SPOCK1: variants seen among roughly 807,000 people sequenced by gnomAD.
SPOCK1 encodes the protein testican-1.
SPOCK1 carries 23 observed loss-of-function variants against 55.3 expected under a neutral mutation model. The ratio of observed to expected loss-of-function variants is 0.42; its 90% CI spans 0.30 to 0.59. The LOEUF is 0.59. Among genes scored for constraint, SPOCK1 ranks in the 20% least tolerant of loss-of-function variants. The pLI is 0.22. For missense variants in SPOCK1, 499 were observed against 552.5 expected (o/e 0.90, Z 0.97); for synonymous variants, 226 against 221.0 (o/e 1.02, Z -0.20).
At chr5:137,476,330 G>C (rs1753837453) in intron 2 of SPOCK1, among the ~76,000 whole-genome samples, 1 of 152,278 alleles carries the variant, frequency 6.6e-6, no homozygotes, top group South Asian at 2.1e-4. Flanking sequence ...AAACAGAGCA[G>C]ATAAGAAACA....
At chr5:137,333,622 G>C (rs974799580) in intron 2 of SPOCK1, among the ~76,000 whole-genome samples, 2 of 152,176 alleles carry the variant, frequency 1.3e-5, no homozygotes, top group African/African-American at 4.8e-5. Flanking sequence ...TTATCTGCAG[G>C]CCAAGACAGT....
chr5:137,050,524 G>A (rs1028664835), intron 6 of SPOCK1, among the ~76,000 whole-genome samples: 6 of 150,952 alleles, frequency 4.0e-5, no homozygotes, highest in African/African-American at 1.5e-4. Context: ...GCACCCACTG[G>A]CCTGCGCCCA....
intron 3 of SPOCK1, among the ~76,000 whole-genome samples, chr5:137,168,328 A>C (rs1754688800): frequency 6.6e-6 from 1 of 152,160 alleles, no homozygotes; most frequent in Non-Finnish European, 1.5e-5. Context: ...AAGCACAGGC[A>C]ACCAAAGCAA....
At chr5:137,354,700 T>C (rs1315252059) in intron 2 of SPOCK1, among the ~76,000 whole-genome samples, 13 of 152,176 alleles carry the variant, frequency 8.5e-5, no homozygotes, top group Admixed American at 7.9e-4. Flanking sequence ...ACTTTGTTTG[T>C]TGACTGTTTT....
chr5:137,293,298 G>T (rs908680799), intron 2 of SPOCK1, among the ~76,000 whole-genome samples: 1 of 152,106 alleles, frequency 6.6e-6, no homozygotes, highest in Non-Finnish European at 1.5e-5. Flanking sequence ...CAACAAATTA[G>T]TTTAATCTCA....
intron 7 of SPOCK1, among the ~76,000 whole-genome samples, chr5:136,990,790 C>G (rs1009342737): frequency 6.6e-6 from 1 of 152,046 alleles, no homozygotes; most frequent in South Asian, 2.1e-4. Flanking sequence ...GCTGACTGGT[C>G]GGCAAAAAGA....
intron 2 of SPOCK1, among the ~76,000 whole-genome samples, chr5:137,355,972 G>T (rs1302247968): frequency 6.6e-6 from 1 of 152,150 alleles, no homozygotes; most frequent in African/African-American, 2.4e-5. Context: ...CCACAGACTC[G>T]GGGAGAGGCT....
At chr5:137,111,663 A>C (rs1002443830) in intron 5 of SPOCK1, among the ~76,000 whole-genome samples, 2 of 152,142 alleles carry the variant, frequency 1.3e-5, no homozygotes, top group Non-Finnish European at 2.9e-5. Flanking sequence ...GGAGAGTTCC[A>C]AGAACAAATT....
At chr5:137,269,481 A>T (rs1387539201) in intron 2 of SPOCK1, among the ~76,000 whole-genome samples, 2 of 152,106 alleles carry the variant, frequency 1.3e-5, no homozygotes, top group African/African-American at 4.8e-5. Flanking sequence ...ACCAGAGCCC[A>T]CTTGGGGGAT....
At chr5:137,348,622 C>CAA (rs1245329506) in intron 2 of SPOCK1, among the ~76,000 whole-genome samples, 1 of 141,546 alleles carries the variant, frequency 7.1e-6, no homozygotes, top group African/African-American at 2.6e-5. Context: ...AATTTATTTG[C>CAA]AAAAAAAAAA....
intron 5 of SPOCK1, among the ~76,000 whole-genome samples, chr5:137,074,075 G>C (rs916346035): frequency 1.3e-5 from 2 of 152,228 alleles, no homozygotes; most frequent in Admixed American, 6.5e-5. Flanking sequence ...TTAGGAAACA[G>C]ACAAATCCAA....
At chr5:137,308,529 C>T (rs776334269) in intron 2 of SPOCK1, among the ~76,000 whole-genome samples, 2 of 152,164 alleles carry the variant, frequency 1.3e-5, no homozygotes, top group African/African-American at 4.8e-5. Flanking sequence ...TCCAGGGCCC[C>T]GGTTCCAAAG....
At chr5:137,354,748 G>A (rs1165628009) in intron 2 of SPOCK1, among the ~76,000 whole-genome samples, 1 of 152,308 alleles carries the variant, frequency 6.6e-6, no homozygotes. Context: ...CCTGAGGACA[G>A]AGCTGTGTTC....
At chr5:137,361,887 G>T (rs1750954334) in intron 2 of SPOCK1, among the ~76,000 whole-genome samples, 5 of 152,144 alleles carry the variant, frequency 3.3e-5, no homozygotes, top group Non-Finnish European at 7.4e-5. Flanking sequence ...CAGAGTTTAG[G>T]AGCTCCTGCC....
chr5:137,106,534 T>A (rs181069204), intron 5 of SPOCK1, among the ~76,000 whole-genome samples: 32 of 152,250 alleles, frequency 2.1e-4, no homozygotes, highest in Non-Finnish European at 2.9e-5. Context: ...GGAGCTGTAA[T>A]GACTCTATAT....
intron 2 of SPOCK1, among the ~76,000 whole-genome samples, chr5:137,370,055 G>T (rs1012502941): frequency 2.0e-5 from 3 of 152,200 alleles, no homozygotes; most frequent in African/African-American, 7.2e-5. Context: ...TAGCTGGCCC[G>T]CTTATTCTGG....
At chr5:137,130,551 A>C (rs1341218909) in intron 4 of SPOCK1, among the ~76,000 whole-genome samples, 7 of 152,236 alleles carry the variant, frequency 4.6e-5, no homozygotes, top group Non-Finnish European at 8.8e-5. Flanking sequence ...CTGTCACCAT[A>C]TTCAGAGATG....
chr5:137,332,004 C>G (rs73296867), intron 2 of SPOCK1, among the ~76,000 whole-genome samples: 2 of 152,152 alleles, frequency 1.3e-5, no homozygotes, highest in Admixed American at 6.5e-5. Flanking sequence ...ATCGCTCCCC[C>G]ACATTCAAAG....
chr5:137,356,307 A>G (rs1750793100), intron 2 of SPOCK1, among the ~76,000 whole-genome samples: 1 of 152,202 alleles, frequency 6.6e-6, no homozygotes, highest in African/African-American at 2.4e-5. Context: ...TCTGTGCTGC[A>G]TAATGCATAA....
Sources: gnomAD v4.1 joint callset for allele counts (sites outside exome capture counted in the v4.1 genomes callset) on GRCh38, gnomAD v4.1.1 for gene constraint, MANE v1.5 for transcripts, NCBI Gene and HGNC (gene_info 2026-07-23, HGNC 2026-07-21) for gene names.